The following PSD2 variants were observed in gnomAD, a reference collection of about 807,000 sequenced individuals.
PSD2 encodes the protein PH and SEC7 domain-containing protein 2.
PSD2 carries 38 observed loss-of-function variants against 69.8 expected under a neutral mutation model. That is an observed-to-expected ratio of 0.54 (90% CI 0.42 to 0.71). PSD2 has a LOEUF of 0.71. Ranked by LOEUF, PSD2 falls within the 30% of genes least tolerant of loss-of-function variation. The pLI, the probability that PSD2 is intolerant of heterozygous loss-of-function variation, is 0.00. For missense variants in PSD2, 943 were observed against 1,014.5 expected (o/e 0.93, Z 0.96); for synonymous variants, 412 against 423.0 (o/e 0.97, Z 0.32).
chr5:139,836,655 C>T lies in PSD2; in HGVS notation c.1404-156C>T, dbSNP rs951651695. On this transcript the variant is annotated intron_variant, in intron 9 of 14. Transcript: ENST00000274710. ...GAGAGGAGGGGTCAGAGATCTGGAT[C>T]TGTGGTCTGGAATTGGAATCTCTTC... 5.3e-5 allele frequency among the ~76,000 whole-genome samples: 8 copies of T among 152,284 alleles called. No homozygotes were observed. The East Asian group carries it at 1.5e-3, about 29-fold the overall frequency.
At chr5:139,766,875 CT>C in the PSD2 span, among the ~76,000 whole-genome samples, 4 of 150,212 alleles carry the variant, frequency 2.7e-5, no homozygotes, top group Admixed American at 6.7e-5. Flanking sequence ...TTCTTTCTTT[CT>C]TTCTTTCTTT....
At chr5:139,753,997 G>T in the PSD2 span, among the ~76,000 whole-genome samples, 1 of 151,734 alleles carries the variant, frequency 6.6e-6, no homozygotes, top group Non-Finnish European at 1.5e-5. Flanking sequence ...CCACCACACC[G>T]TGCTAATTTT....
At chr5:139,747,268 A>G in the PSD2 span, among the ~76,000 whole-genome samples, 1 of 149,910 alleles carries the variant, frequency 6.7e-6, no homozygotes, top group Non-Finnish European at 1.5e-5. The surrounding 1 kb of genome is among the most constrained non-coding windows in gnomAD (Gnocchi z 6.7). Flanking sequence ...AACCCCCCGC[A>G]CACACACACA....
chr5:139,822,656 T>A (rs1279877742), intron 6 of PSD2, 70 bp from the exon 7 acceptor site: 26 of 1,387,230 alleles, frequency 1.9e-5, no homozygotes, highest in South Asian at 2.6e-5. Flanking sequence ...TCCTGACGGG[T>A]TCCGTCAGGA....
the PSD2 span, among the ~76,000 whole-genome samples, chr5:139,760,684 G>A: frequency 4.6e-5 from 7 of 152,182 alleles, no homozygotes; most frequent in Admixed American, 3.9e-4. Context: ...GCACCCTATG[G>A]AGGAGGGTAG....
chr5:139,829,660 T>C (rs1262551303), intron 7 of PSD2, among the ~76,000 whole-genome samples: 1 of 152,258 alleles, frequency 6.6e-6, no homozygotes, highest in Non-Finnish European at 1.5e-5. Context: ...GTCGCATGTA[T>C]TAGTAGTTCA....
chr5:139,792,868 T>G (rs1283535206), upstream of PSD2, among the ~76,000 whole-genome samples: 2 of 102,518 alleles, frequency 2.0e-5, no homozygotes, highest in African/African-American at 7.7e-5. Context: ...CTTTCCTTCC[T>G]TCCTTCCTTC....
the PSD2 span, among the ~76,000 whole-genome samples, chr5:139,770,825 C>G: frequency 6.6e-6 from 1 of 152,192 alleles, no homozygotes; most frequent in East Asian, 1.9e-4. Context: ...TGTGCCCTTT[C>G]CCACCATTTC....
chr5:139,803,750 C>T lies in PSD2; in HGVS notation c.-50-5641C>T, dbSNP rs1029472733. 4.6e-5 allele frequency among the ~76,000 whole-genome samples: 7 copies of T among 152,112 alleles called. 1 individual carries two copies. The highest frequency in any genetic ancestry group is 4.2e-4 in the South Asian group (2 of 4,816). On this transcript the variant is annotated intron_variant, in intron 1 of 14. Coordinates refer to ENST00000274710, the MANE Select transcript of PSD2 (RefSeq NM_032289.4). ...TAGGGTCACTTTGGGATGTGGAATC[C>T]GGGAAGTTCCCTAGGCTCCTGGGTG... is the stretch of plus-strand genomic sequence containing the variant.
intron 9 of PSD2, among the ~76,000 whole-genome samples, chr5:139,836,401 C>T (rs1760718616): frequency 6.6e-6 from 1 of 152,178 alleles, no homozygotes; most frequent in Non-Finnish European, 1.5e-5. Flanking sequence ...GCCCAGGCTT[C>T]AGGGCCTTAC....
intron 7 of PSD2, among the ~76,000 whole-genome samples, chr5:139,830,675 TCTTTCTTTCTTTTC>T (rs1481585043): frequency 2.9e-5 from 4 of 139,430 alleles, no homozygotes; most frequent in Non-Finnish European, 4.7e-5. Context: ...TCTTTATTTC[TCTTTCTTTCTTTTC>T]TTTTTTTTTT....
intron 14 of PSD2, among the ~76,000 whole-genome samples, chr5:139,841,878 T>C (rs556844453): frequency 6.6e-6 from 1 of 152,376 alleles, no homozygotes; most frequent in Admixed American, 6.5e-5. Context: ...GAGAGTTCTT[T>C]ATATATTCTG....
In PSD2 at chr5:139,805,549, CAT is replaced by C. The variant is rs538289533; in HGVS notation, c.-50-3840_-50-3839del. ...GAGATAGGCAGGGAATCAGTAAACACATAGAAAAGGGAGCTTCAGTTCTACTG... is the reference window on the plus strand; with the variant it reads ...GAGATAGGCAGGGAATCAGTAAACACAGAAAAGGGAGCTTCAGTTCTACTG... On this transcript the variant is annotated intron_variant, in intron 1 of 14. Coordinates refer to ENST00000274710, the MANE Select transcript of PSD2 (RefSeq NM_032289.4). 6.6e-5 allele frequency among the ~76,000 whole-genome samples: 10 copies of C among 152,278 alleles called. No individual in the cohort carries two copies. The South Asian group carries it at 2.1e-3, about 32-fold the overall frequency.
intron 1 of PSD2, among the ~76,000 whole-genome samples, chr5:139,804,924 C>A (rs773315499): frequency 6.8e-6 from 1 of 147,036 alleles, no homozygotes; most frequent in Non-Finnish European, 1.5e-5. Flanking sequence ...TGTCTGTGAA[C>A]GTGTGTGTGC....
At chr5:139,828,407 A>T (rs1760483828) in intron 7 of PSD2, among the ~76,000 whole-genome samples, 1 of 152,050 alleles carries the variant, frequency 6.6e-6, no homozygotes, top group African/African-American at 2.4e-5. Context: ...CAACAGCGGG[A>T]GTTTCTGGCG....
the PSD2 span, among the ~76,000 whole-genome samples, chr5:139,764,096 T>G: frequency 6.6e-6 from 1 of 152,170 alleles, no homozygotes; most frequent in South Asian, 2.1e-4. Flanking sequence ...GTTTTACAGT[T>G]TAGGCAAGAT....
the PSD2 span, among the ~76,000 whole-genome samples, chr5:139,775,781 G>A: frequency 6.6e-6 from 1 of 152,188 alleles, no homozygotes; most frequent in South Asian, 2.1e-4. Flanking sequence ...CGATTCTCCT[G>A]CCTCAGCCTC....
At chr5:139,755,315 G>A in the PSD2 span, among the ~76,000 whole-genome samples, 5 of 152,168 alleles carry the variant, frequency 3.3e-5, no homozygotes, top group African/African-American at 1.2e-4. Flanking sequence ...GGGTGGCTGA[G>A]AGGGTATATA....
the PSD2 span, among the ~76,000 whole-genome samples, chr5:139,766,930 C>CTTCTTTCTTTCTTTCT: frequency 2.4e-3 from 104 of 44,102 alleles, 3 homozygotes; most frequent in East Asian, 0.013. Flanking sequence ...CCTTCCTTCC[C>CTTCTTTCTTTCTTTCT]TTCTTTCTTT....
Sources: allele counts gnomAD v4.1 joint callset (sites outside exome capture counted in the v4.1 genomes callset), GRCh38; gene constraint gnomAD v4.1.1; non-coding constraint Gnocchi (gnomAD v3.1); transcripts MANE v1.5; gene names NCBI Gene and HGNC (gene_info 2026-07-23, HGNC 2026-07-21).